Variants in MRGPRE observed in about 807,000 individuals in gnomAD.
MRGPRE encodes the protein MAS related GPR family member E.
For missense variants in MRGPRE, 466 were observed against 433.4 expected, an observed-to-expected ratio of 1.08 and a Z score of -0.67; for synonymous variants, 229 against 206.7, an observed-to-expected ratio of 1.11 and a Z score of -0.92.
At position 3,226,888 on chromosome 11, in the gene MRGPRE, G is replaced by T. The variant is rs1847766870; in HGVS notation, c.*973C>A. On this transcript the variant is annotated 3_prime_UTR_variant, in exon 2 of 2. Coordinates refer to ENST00000389832, the MANE Select transcript of MRGPRE (RefSeq NM_001039165.4). ...GAGATGGCCTTGGCAGCACAGTGGG[G>T]TGGCTAGCGGGGCTCAGCCCAGGCT... Among the ~76,000 whole-genome samples the T allele has an allele frequency of 6.6e-6, 1 of 152,222 alleles. No individual in the cohort carries two copies. Among genetic ancestry groups the T allele is most frequent in the Non-Finnish European group, 1.5e-5 (1 of 68,042 alleles).
At position 3,225,284 on chromosome 11, in the gene MRGPRE, T is replaced by C. The variant is rs774154475; in HGVS notation, c.*2577A>G. On this transcript the variant is annotated 3_prime_UTR_variant, in exon 2 of 2. Transcript: ENST00000389832. The stretch of plus-strand genomic sequence containing the variant: ...AGCGGGTTACACAGGCTCCCTGGAA[T>C]GTTGGCTGCCCCCAGGAGTAGCCGC... Among the ~76,000 whole-genome samples, 3 of 152,210 alleles carry C rather than the reference T, an allele frequency of 2.0e-5. No individual in the cohort carries two copies. The highest frequency in any genetic ancestry group is 4.4e-5 in the Non-Finnish European group (3 of 68,028).
rs1441337314 is a variant in MRGPRE, at chr11:3,231,604, GGGA to G, written c.-62+534_-62+536del. 7.7e-4 allele frequency among the ~76,000 whole-genome samples: 114 copies of G among 148,452 alleles called. No homozygotes were observed. Among genetic ancestry groups the G allele is most frequent in the African/African-American group, 2.1e-3 (85 of 40,150 alleles). On this transcript the variant is annotated intron_variant, in intron 1 of 1. Transcript: ENST00000389832. This position sits in a 1 kb window ranked among gnomAD's most constrained non-coding sequence, Gnocchi z 4.7. ...GGGAGGACGATGGAAGAGAACAGGAGGGAGGAGGAGGAGGGGGAGGAGAAGGAG... is the reference window on the plus strand; with the variant it reads ...GGGAGGACGATGGAAGAGAACAGGAGGGAGGAGGAGGGGGAGGAGAAGGAG...
Position 3,227,475 on chromosome 11 carries a change from G to C in MRGPRE, c.*386C>G, listed in dbSNP as rs561501421. 3.9e-5 allele frequency among the ~76,000 whole-genome samples: 6 copies of C among 152,298 alleles called. No individual in the cohort carries two copies. In the South Asian group the frequency reaches 1.2e-3, roughly 32 times the overall value. The stretch of plus-strand genomic sequence containing the variant: ...GGGAGGTGGCCTGCGGAAAGGCCTG[G>C]ACCTGCCCCTCACCTGGCGTCTGGC... On this transcript the variant is annotated 3_prime_UTR_variant, in exon 2 of 2. Coordinates refer to ENST00000389832, the MANE Select transcript of MRGPRE (RefSeq NM_001039165.4).
Position 3,230,214 on chromosome 11 carries a change from G to T in MRGPRE, c.-61-1354C>A, listed in dbSNP as rs1311172717. Among the ~76,000 whole-genome samples, 1 of 152,014 alleles carries T rather than the reference G, an allele frequency of 6.6e-6. No individual in the cohort carries two copies. The highest frequency in any genetic ancestry group is 1.5e-5 in the Non-Finnish European group (1 of 67,982). ...TCTTGGGGTTGGGGGAGAGGGGATGGGGCCTTGCCTCTCCCCAGAGACTGG... is the reference window on the plus strand; with the variant it reads ...TCTTGGGGTTGGGGGAGAGGGGATGTGGCCTTGCCTCTCCCCAGAGACTGG... On this transcript the variant is annotated intron_variant, in intron 1 of 1. Coordinates refer to ENST00000389832, the MANE Select transcript of MRGPRE (RefSeq NM_001039165.4). This position sits in a 1 kb window ranked among gnomAD's most constrained non-coding sequence, Gnocchi z 5.5.
At position 3,231,004 on chromosome 11, in the gene MRGPRE, G is replaced by A. The variant is rs888613852; in HGVS notation, c.-62+1137C>T. ...ACCCTCAGGCCCAGAGGGAGGCAGAGATGAGTTTTGGGAGGTCTTAAGTCT... is the reference window on the plus strand; with the variant it reads ...ACCCTCAGGCCCAGAGGGAGGCAGAAATGAGTTTTGGGAGGTCTTAAGTCT... On this transcript the variant is annotated intron_variant, in intron 1 of 1. Transcript: ENST00000389832. The surrounding 1 kb of genome is among the most constrained non-coding windows in gnomAD (Gnocchi z 4.7). Among the ~76,000 whole-genome samples, 2 of 152,110 alleles carry A rather than the reference G, an allele frequency of 1.3e-5. No individual in the cohort carries two copies. Among genetic ancestry groups the A allele is most frequent in the African/African-American group, 4.8e-5 (2 of 41,430 alleles).
chr11:3,225,303 T>TGGC lies in MRGPRE; in HGVS notation c.*2557_*2558insGCC, dbSNP rs1847747176. On this transcript the variant is annotated 3_prime_UTR_variant, in exon 2 of 2. Transcript: ENST00000389832. ...CTGGAATGTTGGCTGCCCCCAGGAG[T>TGGC]AGCCGCCTGTTCTTGGGAATTCTGT... Among the ~76,000 whole-genome samples the TGGC allele has an allele frequency of 6.6e-6, 1 of 152,112 alleles. No homozygotes were observed. Among genetic ancestry groups the TGGC allele is most frequent in the African/African-American group, 2.4e-5 (1 of 41,426 alleles).
In MRGPRE at chr11:3,231,763, C is replaced by A. The variant is rs1451434489; in HGVS notation, c.-62+378G>T. 6.6e-6 allele frequency among the ~76,000 whole-genome samples: 1 copy of A among 151,808 alleles called. No individual in the cohort carries two copies. The highest frequency in any genetic ancestry group is 1.5e-5 in the Non-Finnish European group (1 of 67,952). ...ACTGAGAAGCCCTGAGGCTGAGCAC[C>A]CAGGTGTGGCAGGGAGGAGAGGGCC... is the stretch of plus-strand genomic sequence containing the variant. On this transcript the variant is annotated intron_variant, in intron 1 of 1. Coordinates refer to ENST00000389832, the MANE Select transcript of MRGPRE (RefSeq NM_001039165.4). The surrounding 1 kb of genome is among the most constrained non-coding windows in gnomAD (Gnocchi z 4.7).
In MRGPRE at chr11:3,227,739, G is replaced by T; in HGVS notation, c.*122C>A. On this transcript the variant is annotated 3_prime_UTR_variant, in exon 2 of 2. Coordinates refer to ENST00000389832, the MANE Select transcript of MRGPRE (RefSeq NM_001039165.4). ...AAGGGTCACAACTTTGACAGCACAT[G>T]ACCGGGTCACCCACCAAGGCCTCCT... 1.3e-6 allele frequency: 1 copy of T among 759,840 alleles called. No homozygotes were observed. Among genetic ancestry groups the T allele is most frequent in the Non-Finnish European group, 2.0e-6 (1 of 501,892 alleles). The allele number at this position is 759,840 out of a possible 1,614,324, so 47.1% of individuals were successfully genotyped here.
chr11:3,228,625 C>A lies in MRGPRE; in HGVS notation c.175G>T (p.Ala59Ser). The change falls in exon 2 of 2, where the codon GCC (alanine) becomes TCC (serine). Residue 59 changes from alanine (A) to serine (S), a missense_variant. Ala to Ser is a moderately conservative substitution (Grantham distance 99, BLOSUM62 1). Coordinates refer to ENST00000389832, the MANE Select transcript of MRGPRE (RefSeq NM_001039165.4). The part of the protein sequence containing the change: ...LSSNVYRNPF[A>S]IYLLDVACAD... ...CAGGCCACGTCCAGGAGGTAGATGG[C>A]GAAGGGGTTTCTGTAGACATTGGAG... is the stretch of plus-strand genomic sequence containing the variant. 6.2e-7 allele frequency: 1 copy of A among 1,614,064 alleles called. No individual in the cohort carries two copies. The highest frequency in any genetic ancestry group is 1.1e-5 in the South Asian group (1 of 91,086).
chr11:3,228,560 G>A lies in MRGPRE; in HGVS notation c.240C>T (p.Ile80=), dbSNP rs369200596. Residue 80 remains isoleucine, a synonymous_variant, in exon 2 of 2, where the codon ATC becomes ATT. Transcript: ENST00000389832. ...GCCGGCCTTGCAGCAAGTCGGGGAC[G>A]ATGGCCACCATGTGGCAGCCAAGGA... ...LIFLGCHMVA[I]VPDLLQGRLD... 5.0e-5 allele frequency: 80 copies of A among 1,613,464 alleles called. No homozygotes were observed. The highest frequency in any genetic ancestry group is 1.6e-4 in the Middle Eastern group (1 of 6,082).
rs533727821 is a variant in MRGPRE at position 3,227,326 on chromosome 11, C to A, written c.*535G>T. Reference sequence around the variant, plus strand: ...TGATGATCAAGGACGGGGAGGGGGTCAAGTTTTGGGCAGTCTTCCATTTTA... The same window carrying A: ...TGATGATCAAGGACGGGGAGGGGGTAAAGTTTTGGGCAGTCTTCCATTTTA... On this transcript the variant is annotated 3_prime_UTR_variant, in exon 2 of 2. Coordinates refer to ENST00000389832, the MANE Select transcript of MRGPRE (RefSeq NM_001039165.4). 2.0e-5 allele frequency among the ~76,000 whole-genome samples: 3 copies of A among 152,218 alleles called. No homozygotes were observed. In the East Asian group the frequency reaches 5.8e-4, roughly 30 times the overall value.
rs1847815420 is a variant in MRGPRE, at chr11:3,230,300, G to A, written c.-61-1440C>T. ...CCTTGGTGGTGGCTGGTCCTCCTGT[G>A]TCCTGGGAGGGCTGGGGTTTGGGGT... On this transcript the variant is annotated intron_variant, in intron 1 of 1. Coordinates refer to ENST00000389832, the MANE Select transcript of MRGPRE (RefSeq NM_001039165.4). The surrounding 1 kb of genome is among the most constrained non-coding windows in gnomAD (Gnocchi z 5.5). 6.6e-6 allele frequency among the ~76,000 whole-genome samples: 1 copy of A among 151,886 alleles called. No individual in the cohort carries two copies. The highest frequency in any genetic ancestry group is 2.4e-5 in the African/African-American group (1 of 41,370).
At position 3,228,394 on chromosome 11, in the gene MRGPRE, G is replaced by A. The variant is rs776075442; in HGVS notation, c.406C>T (p.Pro136Ser). The A allele has an allele frequency of 1.9e-6, 3 of 1,599,774 alleles. No individual in the cohort carries two copies. The highest frequency in any genetic ancestry group is 1.7e-5 in the Admixed American group (1 of 58,728). ...LFPAWYSCRR[P>S]RHLTTCVCAL... ...CACACACAGGTGGTCAGGTGGCGTG[G>A]GCGGCGGCACGAGTACCAGGCTGGG... Residue 136 changes from proline (P) to serine (S), a missense_variant, in exon 2 of 2, where the codon CCA becomes TCA. Coordinates refer to ENST00000389832, the MANE Select transcript of MRGPRE (RefSeq NM_001039165.4).
rs555203753 is a variant in MRGPRE, at chr11:3,228,012, G to C, written c.788C>G (p.Ala263Gly). The C allele has an allele frequency of 6.2e-7, 1 of 1,605,304 alleles. No individual in the cohort carries two copies. Among genetic ancestry groups the C allele is most frequent in the African/African-American group, 1.3e-5 (1 of 74,834 alleles). The change falls in exon 2 of 2, where the codon GCG becomes GGG. Residue 263 changes from alanine to glycine, a missense_variant. By Grantham distance (60) the Ala-to-Gly change is moderately conservative (BLOSUM62 0). Coordinates refer to ENST00000389832, the MANE Select transcript of MRGPRE (RefSeq NM_001039165.4). ...FSFLMAAVHC[A>G]AKPVVYFCLG... is the part of the protein sequence containing the mutation. ...GCAGAAGTAGACGACGGGCTTGGCC[G>C]CGCAGTGCACGGCGGCCATGAGGAA...
rs765281213 is a variant in MRGPRE, at chr11:3,228,186, C to T, written c.614G>A (p.Arg205Gln). 2.2e-5 allele frequency: 34 copies of T among 1,562,238 alleles called. No individual in the cohort carries two copies. Among genetic ancestry groups the T allele is most frequent in the African/African-American group, 4.0e-5 (3 of 74,140 alleles). Residue 205 changes from arginine (R) to glutamine (Q), a missense_variant, in exon 2 of 2, where the codon CGA becomes CAA. Physicochemically the swap from Arg to Gln is conservative, Grantham distance 43 (BLOSUM62 1). Transcript: ENST00000389832. Reference protein sequence around the residue: ...ASLMLLLRVERGPQRPPPRGF... With the variant: ...ASLMLLLRVEQGPQRPPPRGF... ...CCGGGGTGGGGGCCGCTGGGGGCCTCGCTCCACCCGCAGCAGCAGCATAAG... is the reference window on the plus strand; with the variant it reads ...CCGGGGTGGGGGCCGCTGGGGGCCTTGCTCCACCCGCAGCAGCAGCATAAG...
In MRGPRE at chr11:3,227,746, T is replaced by C; in HGVS notation, c.*115A>G. The C allele has an allele frequency of 1.3e-6, 1 of 798,172 alleles. No individual in the cohort carries two copies. The highest frequency in any genetic ancestry group is 1.9e-6 in the Non-Finnish European group (1 of 538,396). 49.4% of individuals were successfully genotyped at this position (798,172 alleles called of 1,614,324 possible). ...ACAACTTTGACAGCACATGACCGGG[T>C]CACCCACCAAGGCCTCCTCCAGGTC... On this transcript the variant is annotated 3_prime_UTR_variant, in exon 2 of 2. Transcript: ENST00000389832.
In MRGPRE at chr11:3,228,084, G is replaced by T. The variant is rs1203035045; in HGVS notation, c.716C>A (p.Ser239Tyr). The change falls in exon 2 of 2, where the codon TCC becomes TAC. Residue 239 changes from serine to tyrosine, a missense_variant. Coordinates refer to ENST00000389832, the MANE Select transcript of MRGPRE (RefSeq NM_001039165.4). ...CGLPFGIYWL[S>Y]RNLLWYIPHY... ...GGGGATGTACCAGAGCAGGTTCCGG[G>T]ACAGCCAGTAGATGCCGAAGGGCAG... The T allele has an allele frequency of 3.7e-6, 6 of 1,605,262 alleles. No homozygotes were observed. Among genetic ancestry groups the T allele is most frequent in the Non-Finnish European group, 4.3e-6 (5 of 1,176,466 alleles).
rs1182299185 is a variant in MRGPRE at position 3,225,798 on chromosome 11, T to C, written c.*2063A>G. On this transcript the variant is annotated 3_prime_UTR_variant, in exon 2 of 2. Coordinates refer to ENST00000389832, the MANE Select transcript of MRGPRE (RefSeq NM_001039165.4). ...CATGGAGACCTCAGATGAGGCCACA[T>C]TTCCCGGACTCCTCGAGAAGGGGCT... 6.6e-6 allele frequency among the ~76,000 whole-genome samples: 1 copy of C among 152,196 alleles called. No homozygotes were observed. Among genetic ancestry groups the C allele is most frequent in the African/African-American group, 2.4e-5 (1 of 41,454 alleles).
Position 3,229,229 on chromosome 11 carries a change from T to C in MRGPRE, c.-61-369A>G, listed in dbSNP as rs1476491268. Among the ~76,000 whole-genome samples, 10 of 23,244 alleles carry C rather than the reference T, an allele frequency of 4.3e-4. No individual in the cohort carries two copies. Among genetic ancestry groups the C allele is most frequent in the Admixed American group, 1.7e-3 (4 of 2,360 alleles). The allele number at this position is 23,244 out of a possible 152,430, so 15.2% of individuals were successfully genotyped here. On this transcript the variant is annotated intron_variant, in intron 1 of 1. Transcript: ENST00000389832. The surrounding 1 kb of genome is among the most constrained non-coding windows in gnomAD (Gnocchi z 4.4). ...AGAATGGGCTTTTTTTTTTTTTTTT[T>C]TTTTTTTTTTTTGGAGATGGAGTCT...
Sources: allele counts gnomAD v4.1 joint callset (sites outside exome capture counted in the v4.1 genomes callset), GRCh38; gene constraint gnomAD v4.1.1; non-coding constraint Gnocchi (gnomAD v3.1); transcripts MANE v1.5; gene names NCBI Gene and HGNC (gene_info 2026-07-23, HGNC 2026-07-21).